The following PAK5 variants were observed in gnomAD, a reference collection of about 807,000 sequenced individuals.
PAK5 encodes p21 (RAC1) activated kinase 5.
In PAK5, 16 loss-of-function variants were observed where a neutral mutation model predicts 65.9. That is an observed-to-expected ratio of 0.24 (90% CI 0.16 to 0.37). The LOEUF is 0.37. Among genes scored for constraint, PAK5 ranks in the 10% least tolerant of loss-of-function variants. The pLI is 1.00. For missense variants in PAK5, 785 were observed against 903.9 expected, an observed-to-expected ratio of 0.87 and a Z score of 1.69; for synonymous variants, 371 against 354.9, an observed-to-expected ratio of 1.05 and a Z score of -0.51.
At chr20:9,790,270 G>C (rs568608483) in intron 1 of PAK5, among the ~76,000 whole-genome samples, 200 of 152,116 alleles carry the variant, frequency 1.3e-3, no homozygotes, top group African/African-American at 4.7e-3. Flanking sequence ...CCATAATTAA[G>C]GTATAGCATC....
intron 2 of PAK5, among the ~76,000 whole-genome samples, chr20:9,690,462 A>G (rs2047777831): frequency 6.6e-6 from 1 of 152,140 alleles, no homozygotes; most frequent in Non-Finnish European, 1.5e-5. Context: ...CCCAGGAAGC[A>G]ATGGTAGGGA....
intron 3 of PAK5, among the ~76,000 whole-genome samples, chr20:9,582,988 T>A (rs1324284306): frequency 6.6e-6 from 1 of 152,060 alleles, no homozygotes; most frequent in Non-Finnish European, 1.5e-5. Context: ...TACAAGAAGC[T>A]CCAGGTTTAT....
At chr20:9,571,892 T>G in intron 4 of PAK5, among the ~76,000 whole-genome samples, 2 of 102,902 alleles carry the variant, frequency 1.9e-5, no homozygotes, top group African/African-American at 4.0e-5. Flanking sequence ...GGGGATGTGG[T>G]CTTAACAGGG....
chr20:9,592,649 T>C (rs2046192332), intron 3 of PAK5, among the ~76,000 whole-genome samples: 1 of 152,212 alleles, frequency 6.6e-6, no homozygotes, highest in Non-Finnish European at 1.5e-5. Flanking sequence ...CAGCACTCTA[T>C]GGGCAGCTTC....
chr20:9,666,385 T>C (rs185963975), intron 2 of PAK5, among the ~76,000 whole-genome samples: 6 of 97,702 alleles, frequency 6.1e-5, no homozygotes, highest in Admixed American at 5.3e-4. Context: ...AGTGAGAACT[T>C]GGAAAAAAAA....
At chr20:9,644,898 T>C (rs1268390050) in intron 2 of PAK5, among the ~76,000 whole-genome samples, 1 of 152,252 alleles carries the variant, frequency 6.6e-6, no homozygotes, top group Non-Finnish European at 1.5e-5. Context: ...TTGTTTGTTA[T>C]ATAGCATTAT....
At chr20:9,721,476 C>T (rs377656470) in intron 1 of PAK5, among the ~76,000 whole-genome samples, 26 of 151,696 alleles carry the variant, frequency 1.7e-4, no homozygotes, top group African/African-American at 6.0e-4. Context: ...GGTGAAACCC[C>T]GTCTCTACTA....
intron 9 of PAK5, among the ~76,000 whole-genome samples, chr20:9,542,323 T>C (rs2122885517): frequency 6.6e-6 from 1 of 152,262 alleles, no homozygotes; most frequent in East Asian, 1.9e-4. Context: ...AGCACCTGAT[T>C]TACTCTTCTA....
chr20:9,576,546 G>A (rs1220939481), intron 4 of PAK5, among the ~76,000 whole-genome samples: 5 of 152,182 alleles, frequency 3.3e-5, no homozygotes, highest in Admixed American at 3.3e-4. Flanking sequence ...TAGTGTCAAG[G>A]TGGTGGACCC....
chr20:9,803,735 A>G (rs994197796), intron 1 of PAK5, among the ~76,000 whole-genome samples: 1 of 152,180 alleles, frequency 6.6e-6, no homozygotes, highest in African/African-American at 2.4e-5. Context: ...AAACAAGTAG[A>G]ATTTAAATAA....
chr20:9,579,248 T>C lies in PAK5; in HGVS notation c.990+897A>G, dbSNP rs543120998. ...TCTCACCTGCTTCAAGACCTCTATG[T>C]AATCCACATTCCACACCCTACGGTC... On this transcript the variant is annotated intron_variant, in intron 4 of 9. Coordinates refer to ENST00000353224, the MANE Select transcript of PAK5 (RefSeq NM_177990.4). Among the ~76,000 whole-genome samples, 4 of 152,310 alleles carry C rather than the reference T, an allele frequency of 2.6e-5. No individual in the cohort carries two copies. The South Asian group carries it at 8.3e-4, about 32-fold the overall frequency.
chr20:9,540,569 G>T (rs1247677014), intron 9 of PAK5, among the ~76,000 whole-genome samples: 1 of 152,070 alleles, frequency 6.6e-6, no homozygotes, highest in East Asian at 1.9e-4. Flanking sequence ...TTACTGTGTA[G>T]TATTCACTGT....
chr20:9,725,744 C>T (rs2048269426), intron 1 of PAK5, among the ~76,000 whole-genome samples: 2 of 152,040 alleles, frequency 1.3e-5, no homozygotes, highest in Non-Finnish European at 2.9e-5. Context: ...CATTGATGAG[C>T]AACTGGTGAT....
At position 9,558,275 on chromosome 20, in the gene PAK5, C is replaced by A. The variant is rs182553946; in HGVS notation, c.1617-541G>T. 4.5e-4 allele frequency among the ~76,000 whole-genome samples: 68 copies of A among 152,042 alleles called. No homozygotes were observed. In the Middle Eastern group the frequency reaches 0.01, roughly 23 times the overall value. On this transcript the variant is annotated intron_variant, in intron 6 of 9. Coordinates refer to ENST00000353224, the MANE Select transcript of PAK5 (RefSeq NM_177990.4). ...TACAGGCGCCCATCATTATGCCCGG[C>A]TAATTTTTGTATTTTTAATAGAGAT...
At chr20:9,722,578 CT>C (rs1329625032) in intron 1 of PAK5, among the ~76,000 whole-genome samples, 49 of 152,120 alleles carry the variant, frequency 3.2e-4, no homozygotes, top group Non-Finnish European at 5.4e-4. Context: ...CGCCACTGCA[CT>C]CCAGCCTGGG....
chr20:9,825,486 T>C (rs2049473461), intron 1 of PAK5, among the ~76,000 whole-genome samples: 1 of 152,174 alleles, frequency 6.6e-6, no homozygotes, highest in African/African-American at 2.4e-5. Context: ...TTCCAGATGA[T>C]AATATCATAT....
At chr20:9,688,619 C>A (rs2123425673) in intron 2 of PAK5, among the ~76,000 whole-genome samples, 1 of 151,732 alleles carries the variant, frequency 6.6e-6, no homozygotes, top group Non-Finnish European at 1.5e-5. Flanking sequence ...AAGCAGAGAC[C>A]AGGAAACATT....
At chr20:9,831,705 G>A (rs932529912) in intron 1 of PAK5, among the ~76,000 whole-genome samples, 1 of 152,050 alleles carries the variant, frequency 6.6e-6, no homozygotes, top group Non-Finnish European at 1.5e-5. Context: ...ATGGGGTTTT[G>A]CCATGTTGCT....
chr20:9,616,374 G>A (rs1206007640), intron 3 of PAK5, among the ~76,000 whole-genome samples: 1 of 152,112 alleles, frequency 6.6e-6, no homozygotes, highest in African/African-American at 2.4e-5. Flanking sequence ...TAATGTCAAC[G>A]CCAGATGTGC....
Sources: allele counts gnomAD v4.1 joint callset (sites outside exome capture counted in the v4.1 genomes callset), GRCh38; gene constraint gnomAD v4.1.1; transcripts MANE v1.5; gene names NCBI Gene and HGNC (gene_info 2026-07-23, HGNC 2026-07-21).